The following CD96 variants were observed in gnomAD, a reference collection of about 807,000 sequenced individuals.
CD96 encodes T-cell surface protein tactile.
A neutral mutation model predicts 71.3 loss-of-function variants in CD96; 70 were observed. The ratio of observed to expected loss-of-function variants is 0.98; its 90% confidence interval spans 0.81 to 1.20. The LOEUF is 1.20. CD96 is among the 50% of genes most tolerant of loss of function. The pLI is 0.00. For synonymous variants in CD96, 248 were observed against 233.0 expected (o/e 1.06, Z -0.59); for missense variants, 742 against 677.5 (o/e 1.10, Z -1.06).
At position 111,657,385 on chromosome 3, in the gene CD96, A is replaced by C. The variant is rs189631179; in HGVS notation, c.*52+7527A>C. Reference sequence around the variant, plus strand: ...GTGAGCTATCACACCGCTGCACTCCAGACTGGGCAACAGAGTAAGACTCCA... The same window carrying C: ...GTGAGCTATCACACCGCTGCACTCCCGACTGGGCAACAGAGTAAGACTCCA... On this transcript the variant is annotated intron_variant and NMD_transcript_variant, in intron 14 of 14. Coordinates refer to the CD96 transcript ENST00000494798. Among the ~76,000 whole-genome samples the C allele has an allele frequency of 1.6e-4, 25 of 152,112 alleles. No homozygotes were observed. The East Asian group carries it at 2.5e-3, about 15-fold the overall frequency.
At chr3:111,631,992 GACTT>G (rs1939087598) in intron 10 of CD96, among the ~76,000 whole-genome samples, 1 of 151,970 alleles carries the variant, frequency 6.6e-6, no homozygotes, top group East Asian at 1.9e-4. Flanking sequence ...ATGGATTAAA[GACTT>G]AAACCCAAAA....
At chr3:111,550,470 G>A (rs1037622150) in intron 2 of CD96, among the ~76,000 whole-genome samples, 1 of 152,042 alleles carries the variant, frequency 6.6e-6, no homozygotes, top group African/African-American at 2.4e-5. Flanking sequence ...AAGTTAATGG[G>A]CAGGATCTAG....
At chr3:111,547,541 G>T (rs966706919) in intron 2 of CD96, among the ~76,000 whole-genome samples, 14 of 152,186 alleles carry the variant, frequency 9.2e-5, no homozygotes, top group African/African-American at 3.1e-4. Context: ...AATAAGTGAT[G>T]CCACAAAATG....
chr3:111,558,968 C>T (rs1353895100), intron 2 of CD96, among the ~76,000 whole-genome samples: 1 of 152,158 alleles, frequency 6.6e-6, no homozygotes, highest in African/African-American at 2.4e-5. Flanking sequence ...TTATCCATTT[C>T]TTCTAGATTT....
intron 10 of CD96, among the ~76,000 whole-genome samples, chr3:111,626,667 TTAAG>T (rs1938781269): frequency 6.6e-6 from 1 of 152,136 alleles, no homozygotes; most frequent in Admixed American, 6.5e-5. Context: ...AGCAAAAACT[TTAAG>T]TAATCTAAAT....
intron 10 of CD96, among the ~76,000 whole-genome samples, chr3:111,625,606 A>T (rs146155883): frequency 6.6e-6 from 1 of 152,200 alleles, no homozygotes; most frequent in African/African-American, 2.4e-5. Flanking sequence ...TGCCATGCAC[A>T]TTACACAAAA....
chr3:111,647,789 G>A, intron 13 of CD96, 123 bp downstream of exon 13: 1 of 732,772 alleles, frequency 1.4e-6, no homozygotes, highest in South Asian at 1.5e-5. Context: ...AATGCTCACA[G>A]AAGCTCAGAG....
At chr3:111,632,811 C>A (rs1939137667) in intron 10 of CD96, among the ~76,000 whole-genome samples, 2 of 152,142 alleles carry the variant, frequency 1.3e-5, no homozygotes, top group East Asian at 3.9e-4. Context: ...GAGATCATGT[C>A]CTTTGCAGGG....
chr3:111,550,218 T>C (rs1934626733), intron 2 of CD96, among the ~76,000 whole-genome samples: 1 of 151,994 alleles, frequency 6.6e-6, no homozygotes, highest in Non-Finnish European at 1.5e-5. Context: ...AAACATGAAG[T>C]TTTTTTTATC....
In CD96 at chr3:111,567,604, G is replaced by A. The variant is rs532537422; in HGVS notation, c.500G>A (p.Ser167Asn). The A allele has an allele frequency of 4.3e-6, 7 of 1,612,584 alleles. No homozygotes were observed. The South Asian group carries it at 4.4e-5, about 10-fold the overall frequency. ...QTLEIPCFQN[S>N]SSKISSEFTY... ...CTGGAAATACCATGCTTTCAAAATA[G>A]CTCCTCAAAAATTTCATCTGAGTTC... Residue 167 changes from serine to asparagine, a missense_variant, in exon 3 of 14, where the codon AGC becomes AAC. By Grantham distance (46) the Ser-to-Asn change is conservative. Coordinates refer to ENST00000352690, the MANE Select transcript of CD96 (RefSeq NM_005816.5).
At chr3:111,601,484 T>A (rs1183290224) in intron 7 of CD96, among the ~76,000 whole-genome samples, 2 of 152,214 alleles carry the variant, frequency 1.3e-5, no homozygotes, top group East Asian at 3.8e-4. Flanking sequence ...CTAGTTATTA[T>A]ATCATTTGAC....
At chr3:111,552,768 TG>T (rs1454996561) in intron 2 of CD96, among the ~76,000 whole-genome samples, 2 of 152,228 alleles carry the variant, frequency 1.3e-5, no homozygotes, top group Admixed American at 1.3e-4. Context: ...GGGATTGTTT[TG>T]TTTTTCTTAA....
chr3:111,593,846 C>T (rs1937118430), intron 5 of CD96: 1 of 1,613,976 alleles, frequency 6.2e-7, no homozygotes, highest in Non-Finnish European at 8.5e-7. Context: ...CTGGCGCTGC[C>T]CAGCCTGACC....
chr3:111,601,900 T>C (rs1373157638), intron 7 of CD96, among the ~76,000 whole-genome samples: 3 of 152,222 alleles, frequency 2.0e-5, no homozygotes, highest in Non-Finnish European at 4.4e-5. Context: ...CTATCCCTAC[T>C]ACTCAGAAGC....
chr3:111,544,221 T>C (rs915300018), intron 1 of CD96, among the ~76,000 whole-genome samples: 25 of 152,286 alleles, frequency 1.6e-4, no homozygotes, highest in African/African-American at 5.5e-4. Context: ...TTCGGCTCAC[T>C]GTAATCTCCG....
At chr3:111,625,404 AC>A (rs1559763902) in intron 10 of CD96, among the ~76,000 whole-genome samples, 2 of 152,288 alleles carry the variant, frequency 1.3e-5, no homozygotes, top group Non-Finnish European at 2.9e-5. Flanking sequence ...ACACCCATGA[AC>A]CCAGTACCCA....
intron 5 of CD96, among the ~76,000 whole-genome samples, chr3:111,592,649 C>G (rs1484815853): frequency 6.6e-6 from 1 of 152,154 alleles, no homozygotes; most frequent in East Asian, 1.9e-4. Flanking sequence ...TTTATTTCTC[C>G]TTACTTCCTT....
At chr3:111,615,958 C>T (rs1451135078) in intron 8 of CD96, among the ~76,000 whole-genome samples, 1 of 152,102 alleles carries the variant, frequency 6.6e-6, no homozygotes, top group Non-Finnish European at 1.5e-5. Flanking sequence ...AATTCTTCCC[C>T]CAAATATCTA....
intron 14 of CD96, among the ~76,000 whole-genome samples, chr3:111,657,581 T>G (rs990133614): frequency 3.3e-5 from 5 of 152,146 alleles, no homozygotes; most frequent in Non-Finnish European, 7.4e-5. Flanking sequence ...TGTAATGATA[T>G]AAGCAAAGCA....
Sources: gnomAD v4.1 joint callset for allele counts (sites outside exome capture counted in the v4.1 genomes callset) on GRCh38, gnomAD v4.1.1 for gene constraint, MANE v1.5 for transcripts, NCBI Gene and HGNC (gene_info 2026-07-23, HGNC 2026-07-21) for gene names.